Variants in FMNL2 observed in about 807,000 individuals in gnomAD.
The protein encoded by FMNL2 is formin like 2.
FMNL2 carries 51 observed loss-of-function variants against 130.2 expected under a neutral mutation model. The observed-to-expected ratio is 0.39, with a 90% CI of 0.31 to 0.49. FMNL2 has a LOEUF of 0.49. FMNL2 is among the 20% of genes least tolerant of loss of function. The pLI is 0.85. For missense variants in FMNL2, 977 were observed against 1,316.2 expected, an observed-to-expected ratio of 0.74 and a Z score of 3.99; for synonymous variants, 465 against 467.1, an observed-to-expected ratio of 1.00 and a Z score of 0.06.
intron 4 of FMNL2, among the ~76,000 whole-genome samples, chr2:152,553,801 A>G (rs1364008114): frequency 6.6e-6 from 1 of 151,942 alleles, no homozygotes; most frequent in African/African-American, 2.4e-5. Context: ...TATTCTTCAA[A>G]TCCAAAAAAA....
intron 9 of FMNL2, among the ~76,000 whole-genome samples, chr2:152,598,771 G>A (rs1182119159): frequency 6.6e-6 from 1 of 152,166 alleles, no homozygotes; most frequent in Non-Finnish European, 1.5e-5. Context: ...GGGTGTATTA[G>A]GGCTCTCCAG....
intron 6 of FMNL2, among the ~76,000 whole-genome samples, chr2:152,568,482 C>G (rs148840002): frequency 1.3e-5 from 2 of 152,218 alleles, no homozygotes; most frequent in African/African-American, 4.8e-5. Flanking sequence ...TGAACCACCG[C>G]ATCTGGCCCA....
At chr2:152,375,976 C>T (rs183636373) in intron 1 of FMNL2, among the ~76,000 whole-genome samples, 70 of 151,428 alleles carry the variant, frequency 4.6e-4, no homozygotes, top group Admixed American at 1.3e-3. Context: ...TCACCCCAAC[C>T]TCTGCTTCCC....
chr2:152,383,461 G>A lies in FMNL2; in HGVS notation c.117+47741G>A, dbSNP rs74518346. On this transcript the variant is annotated intron_variant, in intron 1 of 25. Transcript: ENST00000288670. ...AAATGTTCCGTAAGAGTAACCTGGCGTGGTGGTGCATGTCTGTAGTCCTAG... is the reference window on the plus strand; with the variant it reads ...AAATGTTCCGTAAGAGTAACCTGGCATGGTGGTGCATGTCTGTAGTCCTAG... 2.8e-3 allele frequency among the ~76,000 whole-genome samples: 433 copies of A among 151,952 alleles called. 4 individuals carry two copies. Among genetic ancestry groups the A allele is most frequent in the African/African-American group, 9.7e-3 (401 of 41,444 alleles).
In FMNL2 at chr2:152,384,617, CT is replaced by C. The variant is rs71736079; in HGVS notation, c.117+48899del. 9.4e-3 allele frequency among the ~76,000 whole-genome samples: 1,429 copies of C among 152,274 alleles called. 22 individuals are homozygous for C. The highest frequency in any genetic ancestry group is 0.033 in the African/African-American group (1,374 of 41,530). ...GAAAGAGCATCCTTCAAACATCGTGCTTGAAAGGTGGACTCTTCTCCTCGGT... is the reference window on the plus strand; with the variant it reads ...GAAAGAGCATCCTTCAAACATCGTGCTGAAAGGTGGACTCTTCTCCTCGGT... On this transcript the variant is annotated intron_variant, in intron 1 of 25. Coordinates refer to ENST00000288670, the MANE Select transcript of FMNL2 (RefSeq NM_052905.4).
chr2:152,514,248 T>C (rs548100193), intron 1 of FMNL2, among the ~76,000 whole-genome samples: 2 of 152,290 alleles, frequency 1.3e-5, no homozygotes, highest in East Asian at 3.9e-4. Context: ...CTCATTTGAT[T>C]TGAAGACCCC....
At chr2:152,618,002 C>A (rs1278351803) in intron 13 of FMNL2, among the ~76,000 whole-genome samples, 1 of 152,168 alleles carries the variant, frequency 6.6e-6, no homozygotes, top group Non-Finnish European at 1.5e-5. Context: ...CAACTTCAGA[C>A]TCTTAGATTA....
chr2:152,528,459 C>G, intron 2 of FMNL2, among the ~76,000 whole-genome samples: 1 of 152,128 alleles, frequency 6.6e-6, no homozygotes, highest in Middle Eastern at 3.2e-3. Flanking sequence ...CTTCTGGTGT[C>G]TCTGGGCATT....
chr2:152,356,235 G>T (rs1337360119), intron 1 of FMNL2, among the ~76,000 whole-genome samples: 1 of 152,150 alleles, frequency 6.6e-6, no homozygotes, highest in Non-Finnish European at 1.5e-5. Flanking sequence ...AAGCAATTCT[G>T]TCTCAGCCTT....
At chr2:152,596,791 T>C (rs1697795175) in intron 9 of FMNL2, among the ~76,000 whole-genome samples, 1 of 152,238 alleles carries the variant, frequency 6.6e-6, no homozygotes, top group Admixed American at 6.5e-5. Context: ...CACACAGATA[T>C]GTAGATGAAA....
chr2:152,632,653 TCTCC>T, intron 21 of FMNL2, among the ~76,000 whole-genome samples: 1 of 152,162 alleles, frequency 6.6e-6, no homozygotes, highest in Non-Finnish European at 1.5e-5. Context: ...GGTAATAGTA[TCTCC>T]ATTATTATAG....
chr2:152,636,748 C>T (rs140742958), intron 22 of FMNL2, among the ~76,000 whole-genome samples, 158 bp downstream of exon 22: 11 of 152,264 alleles, frequency 7.2e-5, no homozygotes, highest in African/African-American at 2.6e-4. Flanking sequence ...GGACCATTCC[C>T]AGGGTTATTC....
intron 1 of FMNL2, among the ~76,000 whole-genome samples, chr2:152,461,490 T>C (rs1467719448): frequency 6.6e-6 from 1 of 152,228 alleles, no homozygotes; most frequent in Non-Finnish European, 1.5e-5. Context: ...GTCAAAAAAG[T>C]AGATTCACAT....
At chr2:152,493,137 T>G (rs1276794838) in intron 1 of FMNL2, among the ~76,000 whole-genome samples, 1 of 152,144 alleles carries the variant, frequency 6.6e-6, no homozygotes, top group Non-Finnish European at 1.5e-5. Flanking sequence ...CTAGGTGGTA[T>G]GGGGCAGCCT....
At chr2:152,477,376 TTCA>T (rs1690211645) in intron 1 of FMNL2, among the ~76,000 whole-genome samples, 1 of 152,234 alleles carries the variant, frequency 6.6e-6, no homozygotes, top group South Asian at 2.1e-4. Context: ...GCTCAGATTC[TTCA>T]TCTATAAAAT....
chr2:152,570,359 T>C (rs1558972143), intron 6 of FMNL2, among the ~76,000 whole-genome samples: 1 of 151,586 alleles, frequency 6.6e-6, no homozygotes, highest in Non-Finnish European at 1.5e-5. Flanking sequence ...CTTAAGTTTA[T>C]GTAGAAGAGG....
intron 6 of FMNL2, among the ~76,000 whole-genome samples, chr2:152,570,635 TCCTGTTTTTC>T (rs924332620): frequency 1.2e-4 from 18 of 152,304 alleles, no homozygotes; most frequent in African/African-American, 2.6e-4. Flanking sequence ...ATATTTCATT[TCCTGTTTTTC>T]TCTTTGGAAT....
At chr2:152,559,469 A>T (rs768995137) in intron 5 of FMNL2, among the ~76,000 whole-genome samples, 2 of 152,070 alleles carry the variant, frequency 1.3e-5, no homozygotes, top group Non-Finnish European at 2.9e-5. Flanking sequence ...ATGCCCGGCT[A>T]ATTTTTGTAT....
chr2:152,521,421 T>C (rs1693078940), intron 1 of FMNL2, among the ~76,000 whole-genome samples: 2 of 152,218 alleles, frequency 1.3e-5, no homozygotes, highest in Admixed American at 1.3e-4. Flanking sequence ...TGTTAACATA[T>C]GTCCTCAAGG....
Sources: gnomAD v4.1 joint callset for allele counts (sites outside exome capture counted in the v4.1 genomes callset) on GRCh38, gnomAD v4.1.1 for gene constraint, MANE v1.5 for transcripts, NCBI Gene and HGNC (gene_info 2026-07-23, HGNC 2026-07-21) for gene names.